The following ABLIM1 variants were observed in gnomAD, a reference collection of about 807,000 sequenced individuals.
ABLIM1 encodes the protein actin-binding LIM protein 1.
Under a neutral mutation model 107.0 loss-of-function variants are expected in ABLIM1, and 40 were observed. The observed-to-expected ratio is 0.37, with a 90% CI of 0.29 to 0.49. ABLIM1 has a LOEUF of 0.49. ABLIM1 is among the 20% of genes least tolerant of loss of function. The pLI is 0.97. For synonymous variants in ABLIM1, 357 were observed against 357.3 expected, an observed-to-expected ratio of 1.00 and a Z score of 0.01; for missense variants, 857 against 1,008.5, an observed-to-expected ratio of 0.85 and a Z score of 2.04.
intron 6 of ABLIM1, among the ~76,000 whole-genome samples, chr10:114,540,740 A>G (rs138028220): frequency 7.9e-4 from 120 of 152,282 alleles, no homozygotes; most frequent in African/African-American, 2.7e-3. Flanking sequence ...CCACACCTAG[A>G]GAGGCCTTAG....
At chr10:114,758,323 T>C (rs2082675058) in intron 1 of ABLIM1, among the ~76,000 whole-genome samples, 1 of 152,284 alleles carries the variant, frequency 6.6e-6, no homozygotes, top group East Asian at 1.9e-4. Flanking sequence ...ATAAAGCATC[T>C]AACCACAGAA....
intron 1 of ABLIM1, among the ~76,000 whole-genome samples, chr10:114,702,823 A>G (rs945054355): frequency 1.3e-5 from 2 of 152,216 alleles, no homozygotes; most frequent in Non-Finnish European, 2.9e-5. Flanking sequence ...GACATAACAC[A>G]TCATAGCTAG....
At chr10:114,473,811 C>T (rs111325052) in intron 9 of ABLIM1, 68 bp downstream of exon 9, 5 of 1,219,434 alleles carry the variant, frequency 4.1e-6, no homozygotes, top group Non-Finnish European at 5.9e-6. Flanking sequence ...TTTGGATTAC[C>T]CATTCTGCTA....
intron 6 of ABLIM1, among the ~76,000 whole-genome samples, chr10:114,518,029 G>A (rs147059555): frequency 6.6e-6 from 1 of 151,914 alleles, no homozygotes; most frequent in Non-Finnish European, 1.5e-5. Flanking sequence ...TTACCACTAT[G>A]TGGTCATTAA....
At chr10:114,540,703 A>G (rs2066548640) in intron 6 of ABLIM1, among the ~76,000 whole-genome samples, 1 of 152,152 alleles carries the variant, frequency 6.6e-6, no homozygotes, top group Non-Finnish European at 1.5e-5. Context: ...AAGGTCCCTC[A>G]GGTGTCTGGT....
At chr10:114,652,310 G>A (rs1265623818) in intron 1 of ABLIM1, among the ~76,000 whole-genome samples, 10 of 152,170 alleles carry the variant, frequency 6.6e-5, no homozygotes, top group Non-Finnish European at 8.8e-5. Flanking sequence ...TGGGGTTGCG[G>A]ATTAGTGAAT....
chr10:114,483,672 G>A (rs1007827945), intron 8 of ABLIM1, among the ~76,000 whole-genome samples: 25 of 152,084 alleles, frequency 1.6e-4, no homozygotes, highest in African/African-American at 5.3e-4. Flanking sequence ...CTTTTCCATC[G>A]TGCAAAGAAA....
intron 17 of ABLIM1, among the ~76,000 whole-genome samples, chr10:114,442,758 A>G (rs1885336): frequency 0.02 from 3,100 of 152,352 alleles, 129 homozygotes; most frequent in East Asian, 0.17. Context: ...GCAGTTGCTA[A>G]TAACAACCAC....
rs71007482 is a variant in ABLIM1 at position 114,611,151 on chromosome 10, CA to C, written c.245-9191del. Reference sequence around the variant, plus strand: ...CTGGGGACAGAGCAAGACTCCATCTCAAAAAAAAAAAAAAAATAGATACCCT... The same window carrying C: ...CTGGGGACAGAGCAAGACTCCATCTCAAAAAAAAAAAAAAATAGATACCCT... On this transcript the variant is annotated intron_variant, in intron 1 of 22. Transcript: ENST00000533213. 3.5e-3 allele frequency among the ~76,000 whole-genome samples: 474 copies of C among 135,514 alleles called. 1 individual carries two copies. The highest frequency in any genetic ancestry group is 5.4e-3 in the African/African-American group (192 of 35,760). The allele number at this position is 135,514 out of a possible 152,430, so 88.9% of individuals were successfully genotyped here. A position where few individuals can be genotyped will look rare whatever the true frequency, so the allele number is the denominator to read the frequency against.
intron 6 of ABLIM1, among the ~76,000 whole-genome samples, chr10:114,528,388 G>A (rs1274030158): frequency 6.6e-6 from 1 of 152,218 alleles, no homozygotes; most frequent in Non-Finnish European, 1.5e-5. Flanking sequence ...ATCTCTCTAA[G>A]CTGGTTTGGA....
chr10:114,734,102 C>T (rs969312404), intron 1 of ABLIM1, among the ~76,000 whole-genome samples: 3 of 152,056 alleles, frequency 2.0e-5, no homozygotes, highest in Admixed American at 6.6e-5. Flanking sequence ...TCAGGTGATC[C>T]GCCCACCTCA....
Position 114,456,732 on chromosome 10 carries a change from C to T in ABLIM1, c.1442-3249G>A, listed in dbSNP as rs375507885. ...CATTTGTCCAGGGATTAAAATATTT[C>T]TATCAACAAGACCCTGTGTTGGCCA... On this transcript the variant is annotated intron_variant, in intron 12 of 22. Transcript: ENST00000533213. Among the ~76,000 whole-genome samples the T allele has an allele frequency of 2.6e-4, 39 of 152,278 alleles. 1 individual carries two copies. The highest frequency in any genetic ancestry group is 2.3e-3 in the East Asian group (12 of 5,186).
At chr10:114,582,583 C>T (rs751096326) in intron 2 of ABLIM1, among the ~76,000 whole-genome samples, 10 of 152,026 alleles carry the variant, frequency 6.6e-5, no homozygotes, top group Non-Finnish European at 1.3e-4. Flanking sequence ...ACAAAGCTAG[C>T]GGCATCACAT....
intron 1 of ABLIM1, among the ~76,000 whole-genome samples, chr10:114,648,542 A>G (rs2079101055): frequency 6.6e-6 from 1 of 152,190 alleles, no homozygotes; most frequent in Non-Finnish European, 1.5e-5. Flanking sequence ...GTCATCAGGG[A>G]TGTTTTCTAA....
intron 1 of ABLIM1, among the ~76,000 whole-genome samples, chr10:114,657,490 TTTTTA>T: frequency 6.6e-6 from 1 of 152,288 alleles, no homozygotes; most frequent in South Asian, 2.1e-4. Flanking sequence ...AAACACTTTC[TTTTTA>T]TTTTATTTCT....
rs943984922 is a variant in ABLIM1, at chr10:114,603,322, T to A, written c.245-1361A>T. 2.0e-5 allele frequency among the ~76,000 whole-genome samples: 3 copies of A among 152,146 alleles called. No homozygotes were observed. In the East Asian group the frequency reaches 5.8e-4, roughly 29 times the overall value. On this transcript the variant is annotated intron_variant, in intron 1 of 22. Transcript: ENST00000533213. ...AGTTTGAACAAGATAGTCCAAATAATCCATTACTAGCTAACTTCTGAGAAA... is the reference window on the plus strand; with the variant it reads ...AGTTTGAACAAGATAGTCCAAATAAACCATTACTAGCTAACTTCTGAGAAA...
At chr10:114,731,901 C>T (rs1008441818) in intron 1 of ABLIM1, among the ~76,000 whole-genome samples, 3 of 152,300 alleles carry the variant, frequency 2.0e-5, no homozygotes, top group South Asian at 2.1e-4. Context: ...TGAGCCACCA[C>T]GCCTAGTGCA....
chr10:114,458,547 T>C (rs763033232), intron 12 of ABLIM1, among the ~76,000 whole-genome samples: 1 of 152,184 alleles, frequency 6.6e-6, no homozygotes, highest in Non-Finnish European at 1.5e-5. Flanking sequence ...TAAATGAACA[T>C]CTTGAGGGAA....
chr10:114,447,864 C>T lies in ABLIM1; in HGVS notation c.1735+16G>A, dbSNP rs757927503. ...TAGCAGTTTGTCCCTTTGACTTAGC[C>T]GTGACAGTTGCATACCTACGACAGC... is the stretch of plus-strand genomic sequence containing the variant. On this transcript the variant is annotated intron_variant, in intron 15 of 22. Transcript: ENST00000533213. The T allele has an allele frequency of 4.0e-5, 65 of 1,613,788 alleles. No individual in the cohort carries two copies. Among genetic ancestry groups the T allele is most frequent in the Non-Finnish European group, 4.7e-5 (55 of 1,179,930 alleles).
Sources: allele counts gnomAD v4.1 joint callset (sites outside exome capture counted in the v4.1 genomes callset), GRCh38; gene constraint gnomAD v4.1.1; transcripts MANE v1.5; gene names NCBI Gene and HGNC (gene_info 2026-07-23, HGNC 2026-07-21).